The following PDE11A variants were observed in gnomAD, a reference collection of about 807,000 sequenced individuals.
PDE11A encodes phosphodiesterase 11A.
In PDE11A, 100 loss-of-function variants were observed where a neutral mutation model predicts 100.5. That is an observed-to-expected ratio of 1.00 (90% CI 0.85 to 1.18). PDE11A has a LOEUF of 1.18. PDE11A is among the 50% of genes most tolerant of loss of function. PDE11A has a pLI of 0.00. For synonymous variants in PDE11A, 381 were observed against 420.8 expected, an observed-to-expected ratio of 0.91 and a Z score of 1.16; for missense variants, 1,141 against 1,152.6, an observed-to-expected ratio of 0.99 and a Z score of 0.15.
Position 177,728,189 on chromosome 2 carries a change from CA to C in PDE11A, c.1789-18del. ...GTTGGCTGCCTAGAAAAGCAAAAGA[CA>C]TAAGTCAAGCCAAGTTCACCAGCTT... On this transcript the variant is annotated intron_variant, in intron 10 of 19. Transcript: ENST00000286063. The C allele has an allele frequency of 6.2e-7, 1 of 1,612,482 alleles. No homozygotes were observed. The highest frequency in any genetic ancestry group is 8.5e-7 in the Non-Finnish European group (1 of 1,178,956).
chr2:177,821,027 T>C (rs898122977), intron 6 of PDE11A, among the ~76,000 whole-genome samples: 2 of 151,846 alleles, frequency 1.3e-5, no homozygotes, highest in Admixed American at 1.3e-4. Context: ...TTCAGTGAGG[T>C]CAATCTATTG....
chr2:177,942,137 C>T (rs566120819), intron 2 of PDE11A, among the ~76,000 whole-genome samples: 1 of 152,350 alleles, frequency 6.6e-6, no homozygotes, highest in Non-Finnish European at 1.5e-5. Flanking sequence ...TGAACACAGG[C>T]TTTGCAGCCA....
At position 178,072,298 on chromosome 2, in the gene PDE11A, C is replaced by G; in HGVS notation, c.140G>C (p.Gly47Ala). The change falls in exon 1 of 20, where the codon GGG becomes GCG. Residue 47 changes from glycine (G) to alanine (A), a missense_variant. Transcript: ENST00000286063. The part of the protein sequence containing the change: ...KWLQRHSQGQ[G>A]ALGPRPSLAG... ...CAAAGAGGGCCTTGGACCTAAAGCC[C>G]CCTGACCCTGACTGTGCCTCTGCAG... 6.2e-7 allele frequency: 1 copy of G among 1,614,046 alleles called. No individual in the cohort carries two copies. Among genetic ancestry groups the G allele is most frequent in the East Asian group, 2.2e-5 (1 of 44,864 alleles).
chr2:177,631,586 CACACACATATATAT>C (rs2079944474), intron 19 of PDE11A, among the ~76,000 whole-genome samples: 1 of 28,384 alleles, frequency 3.5e-5, no homozygotes, highest in South Asian at 2.1e-3. Context: ...TATATATATA[CACACACATATATAT>C]GTGTGTATAT....
intron 10 of PDE11A, among the ~76,000 whole-genome samples, chr2:177,733,528 T>C (rs1333531156): frequency 6.6e-6 from 1 of 152,150 alleles, no homozygotes; most frequent in East Asian, 1.9e-4. Flanking sequence ...CAATCCTGGA[T>C]CCCTTGACAC....
rs567501604 is a variant in PDE11A, at chr2:177,832,005, A to G, written c.1500+8246T>C. On this transcript the variant is annotated intron_variant, in intron 6 of 19. Transcript: ENST00000286063. ...GTATCTAGTCAGGAAGGAGCACGGC[A>G]GGAGAGGCCCCCCCTGACCCCTCCA... 6.1e-4 allele frequency among the ~76,000 whole-genome samples: 93 copies of G among 152,278 alleles called. No individual in the cohort carries two copies. In the Middle Eastern group the frequency reaches 0.01, roughly 17 times the overall value.
intron 2 of PDE11A, among the ~76,000 whole-genome samples, chr2:177,963,338 A>T (rs1369520): frequency 0.56 from 85,487 of 151,956 alleles, 26,732 homozygotes; most frequent in African/African-American, 0.84. Context: ...AGTGTAACCC[A>T]GCATTCCACA....
intron 17 of PDE11A, among the ~76,000 whole-genome samples, chr2:177,672,240 T>C (rs2080694856): frequency 6.6e-6 from 1 of 152,240 alleles, no homozygotes; most frequent in Non-Finnish European, 1.5e-5. Context: ...CTGCTTTATG[T>C]GACTTTTTGT....
At chr2:177,745,520 G>A (rs1388191255) in intron 10 of PDE11A, among the ~76,000 whole-genome samples, 2 of 152,154 alleles carry the variant, frequency 1.3e-5, no homozygotes, top group Non-Finnish European at 2.9e-5. Flanking sequence ...CATTCCCCAG[G>A]TGATGCCAGT....
intron 4 of PDE11A, among the ~76,000 whole-genome samples, chr2:177,892,877 G>A (rs1257151356): frequency 1.3e-5 from 2 of 152,222 alleles, no homozygotes; most frequent in Non-Finnish European, 2.9e-5. Flanking sequence ...TGTCTGCCAG[G>A]AAATGGGAAA....
At chr2:177,652,591 G>A (rs1453909060) in intron 19 of PDE11A, among the ~76,000 whole-genome samples, 3 of 151,930 alleles carry the variant, frequency 2.0e-5, no homozygotes. Context: ...GATAGCTCTG[G>A]TGGTGACATG....
At chr2:178,054,048 G>A (rs560787146) in intron 1 of PDE11A, among the ~76,000 whole-genome samples, 30 of 152,254 alleles carry the variant, frequency 2.0e-4, no homozygotes, top group Admixed American at 7.9e-4. Flanking sequence ...AGCCCGCATC[G>A]CCAAGTCAAT....
chr2:177,808,400 G>C (rs1013129324), intron 9 of PDE11A, among the ~76,000 whole-genome samples: 1 of 152,144 alleles, frequency 6.6e-6, no homozygotes, highest in Non-Finnish European at 1.5e-5. Flanking sequence ...GGATGTTTAA[G>C]TGGAACTCTT....
chr2:177,712,874 T>C (rs1035823694), intron 12 of PDE11A, among the ~76,000 whole-genome samples: 31 of 152,192 alleles, frequency 2.0e-4, no homozygotes, highest in Admixed American at 1.9e-3. Context: ...TCACTTTTCA[T>C]GTGTTTTTTT....
intron 19 of PDE11A, among the ~76,000 whole-genome samples, chr2:177,660,109 C>CTCTCTCTT (rs1553535236): frequency 3.2e-4 from 30 of 92,996 alleles, no homozygotes; most frequent in African/African-American, 1.2e-3. Context: ...CTCTCTCTCT[C>CTCTCTCTT]TCTTTCTTTC....
chr2:177,949,199 G>T (rs1469717754), intron 2 of PDE11A, among the ~76,000 whole-genome samples: 1 of 152,060 alleles, frequency 6.6e-6, no homozygotes, highest in African/African-American at 2.4e-5. Context: ...TTTTGTGATT[G>T]CCATTTATAC....
At chr2:178,036,437 T>G (rs1030755114) in intron 1 of PDE11A, among the ~76,000 whole-genome samples, 1 of 152,118 alleles carries the variant, frequency 6.6e-6, no homozygotes, top group Non-Finnish European at 1.5e-5. Context: ...ATGAAAATGG[T>G]CATACTGCCC....
chr2:178,102,949 A>G (rs2087577828), intron 2 of PDE11A, among the ~76,000 whole-genome samples: 1 of 149,196 alleles, frequency 6.7e-6, no homozygotes, highest in South Asian at 2.1e-4. Flanking sequence ...TTATGAGAAA[A>G]TGGTCATGTA....
intron 2 of PDE11A, among the ~76,000 whole-genome samples, chr2:177,957,071 A>G (rs2085574201): frequency 6.6e-6 from 1 of 152,026 alleles, no homozygotes; most frequent in Non-Finnish European, 1.5e-5. Context: ...ATAAAAAAAA[A>G]GAAAAGAGCA....
Sources: allele counts gnomAD v4.1 joint callset (sites outside exome capture counted in the v4.1 genomes callset), GRCh38; gene constraint gnomAD v4.1.1; transcripts MANE v1.5; gene names NCBI Gene and HGNC (gene_info 2026-07-23, HGNC 2026-07-21).